FGGY: variants seen among roughly 807,000 people sequenced by gnomAD.
FGGY encodes FGGY carbohydrate kinase domain-containing protein.
A neutral mutation model predicts 71.3 loss-of-function variants in FGGY; 72 were observed. That is an observed-to-expected ratio of 1.01 (90% CI 0.84 to 1.23). The LOEUF (loss-of-function observed/expected upper bound fraction) is 1.23, where lower values mean the gene tolerates loss of function less well. Ranked by LOEUF, FGGY falls within the 50% of genes most tolerant of loss-of-function variation. FGGY has a pLI of 0.00. For synonymous variants in FGGY, 251 were observed against 250.3 expected, an observed-to-expected ratio of 1.00 and a Z score of -0.02; for missense variants, 668 against 682.3, an observed-to-expected ratio of 0.98 and a Z score of 0.23.
intron 9 of FGGY, among the ~76,000 whole-genome samples, chr1:59,617,628 A>G (rs2096769376): frequency 6.6e-6 from 1 of 152,050 alleles, no homozygotes; most frequent in Non-Finnish European, 1.5e-5. Context: ...TGTCCACAGA[A>G]CACTGACCCC....
intron 5 of FGGY, among the ~76,000 whole-genome samples, chr1:59,426,858 G>GAAA (rs34668849): frequency 2.2e-5 from 3 of 135,210 alleles, no homozygotes; most frequent in Non-Finnish European, 3.2e-5. Context: ...GATTAACACT[G>GAAA]AAAAAAAAAA....
chr1:59,662,190 G>A (rs113001856), intron 12 of FGGY, among the ~76,000 whole-genome samples: 4,518 of 150,810 alleles, frequency 0.03, 231 homozygotes, highest in African/African-American at 0.1. Flanking sequence ...CATGGTGGCG[G>A]GCACCTGTAG....
chr1:59,545,633 T>G (rs562331201), intron 7 of FGGY, among the ~76,000 whole-genome samples: 6 of 151,870 alleles, frequency 4.0e-5, no homozygotes, highest in Non-Finnish European at 7.4e-5. Flanking sequence ...TTAGCCTACC[T>G]TTGAGATTTG....
chr1:59,699,178 C>G (rs1394463850), intron 14 of FGGY: 2 of 985,220 alleles, frequency 2.0e-6, no homozygotes, highest in Non-Finnish European at 2.4e-6. Context: ...TCAGCTGAGT[C>G]CCTCAGTGTA....
At chr1:59,408,687 G>A (rs929305653) in intron 5 of FGGY, among the ~76,000 whole-genome samples, 1 of 151,890 alleles carries the variant, frequency 6.6e-6, no homozygotes, top group Non-Finnish European at 1.5e-5. Flanking sequence ...TTTTTCCCCA[G>A]AACTGTTTAT....
chr1:59,298,791 T>C (rs2042336024), intron 1 of FGGY, among the ~76,000 whole-genome samples: 1 of 152,150 alleles, frequency 6.6e-6, no homozygotes, highest in South Asian at 2.1e-4. Flanking sequence ...GCTACAGAGA[T>C]CACTTACCTT....
At chr1:59,574,503 G>A (rs1173588772) in intron 8 of FGGY, among the ~76,000 whole-genome samples, 1 of 151,332 alleles carries the variant, frequency 6.6e-6, no homozygotes, top group East Asian at 1.9e-4. Context: ...CCAGGGATTT[G>A]AACATGGTGA....
At chr1:59,396,051 A>G (rs2061285949) in intron 5 of FGGY, among the ~76,000 whole-genome samples, 2 of 152,176 alleles carry the variant, frequency 1.3e-5, no homozygotes, top group East Asian at 1.9e-4. Flanking sequence ...TTGGAAATAC[A>G]TTGGAAATGC....
intron 6 of FGGY, among the ~76,000 whole-genome samples, chr1:59,489,530 G>A (rs1215686491): frequency 6.6e-6 from 1 of 152,032 alleles, no homozygotes; most frequent in African/African-American, 2.4e-5. Flanking sequence ...CATCCATATT[G>A]CTACAAATGA....
At chr1:59,758,543 A>C (rs1256587611) in intron 15 of FGGY, among the ~76,000 whole-genome samples, 1 of 152,250 alleles carries the variant, frequency 6.6e-6, no homozygotes, top group Non-Finnish European at 1.5e-5. Context: ...AAGTATTGCC[A>C]GGTGACAAAG....
intron 10 of FGGY, among the ~76,000 whole-genome samples, chr1:59,635,484 A>G (rs2096949180): frequency 6.6e-6 from 1 of 152,112 alleles, no homozygotes; most frequent in Admixed American, 6.6e-5. Flanking sequence ...AGATGTCTGA[A>G]ACCAAATGCC....
chr1:59,572,931 T>A (rs2096011571), intron 8 of FGGY, among the ~76,000 whole-genome samples: 1 of 152,152 alleles, frequency 6.6e-6, no homozygotes, highest in Non-Finnish European at 1.5e-5. Flanking sequence ...GTTTTAAATA[T>A]TTTACCCTTG....
rs185226460 is a variant in FGGY at position 59,762,449 on chromosome 1, C to G, written c.1575-54C>G. ...CCATTCTTCTAAATGTACAGGGAAG[C>G]CCTGTGGCAGTTTTGTCTTGAGATC... is the stretch of plus-strand genomic sequence containing the variant. On this transcript the variant is annotated intron_variant, in intron 15 of 15. Coordinates refer to ENST00000303721, the MANE Select transcript of FGGY (RefSeq NM_018291.5). The G allele has an allele frequency of 7.0e-4, 954 of 1,357,296 alleles. 1 individual carries two copies. Among genetic ancestry groups the G allele is most frequent in the Middle Eastern group, 1.2e-3 (6 of 4,988 alleles). The allele number at this position is 1,357,296 out of a possible 1,614,324, so 84.1% of individuals were successfully genotyped here. A position where few individuals can be genotyped will look rare whatever the true frequency, so the allele number is the denominator to read the frequency against.
intron 8 of FGGY, among the ~76,000 whole-genome samples, chr1:59,591,634 G>A (rs1453970574): frequency 4.6e-5 from 7 of 151,982 alleles, no homozygotes; most frequent in Non-Finnish European, 7.4e-5. Context: ...AAATAACACC[G>A]CATATCTATA....
chr1:59,387,583 T>G (rs1041723328), intron 5 of FGGY, among the ~76,000 whole-genome samples: 1 of 151,920 alleles, frequency 6.6e-6, no homozygotes, highest in East Asian at 1.9e-4. Context: ...GGTGAGAATT[T>G]AAAAAAAAAT....
chr1:59,498,616 A>G (rs768759997), intron 6 of FGGY, among the ~76,000 whole-genome samples: 4 of 152,138 alleles, frequency 2.6e-5, no homozygotes, highest in Non-Finnish European at 5.9e-5. Context: ...CAGTAGGTCT[A>G]GGGTGGGGAC....
intron 8 of FGGY, among the ~76,000 whole-genome samples, chr1:59,563,985 A>G (rs1478887102): frequency 2.0e-5 from 3 of 152,218 alleles, no homozygotes; most frequent in African/African-American, 7.2e-5. Context: ...CTGGCTAGCC[A>G]TATGCAGAAA....
intron 8 of FGGY, among the ~76,000 whole-genome samples, chr1:59,578,897 AG>A (rs2096133452): frequency 6.6e-6 from 1 of 152,050 alleles, no homozygotes; most frequent in African/African-American, 2.4e-5. Context: ...TAAGAATGGG[AG>A]GGGGAGAGCG....
chr1:59,541,056 TC>T (rs2153686800), intron 7 of FGGY, among the ~76,000 whole-genome samples: 2 of 151,700 alleles, frequency 1.3e-5, no homozygotes, highest in Admixed American at 1.3e-4. Flanking sequence ...TTTTTATTTG[TC>T]TGTTTGTTTG....
Sources: allele counts gnomAD v4.1 joint callset (sites outside exome capture counted in the v4.1 genomes callset), GRCh38; gene constraint gnomAD v4.1.1; transcripts MANE v1.5; gene names NCBI Gene and HGNC (gene_info 2026-07-23, HGNC 2026-07-21).